The following GNAI3 variants were observed in gnomAD, a reference collection of about 807,000 sequenced individuals.
The protein encoded by GNAI3 is G protein subunit alpha i3.
In GNAI3, 12 loss-of-function variants were observed where a neutral mutation model predicts 41.8. The observed-to-expected ratio is 0.29, with a 90% CI of 0.18 to 0.47. The LOEUF is 0.47. Ranked by LOEUF, GNAI3 falls within the 20% of genes least tolerant of loss-of-function variation. The pLI is 1.00. For missense variants in GNAI3, 360 were observed against 429.6 expected (o/e 0.84, Z 1.43); for synonymous variants, 132 against 146.5 (o/e 0.90, Z 0.71).
intron 1 of GNAI3, among the ~76,000 whole-genome samples, chr1:109,570,953 C>G (rs926369394): frequency 6.6e-6 from 1 of 152,178 alleles, no homozygotes; most frequent in African/African-American, 2.4e-5. Flanking sequence ...TTGCAGTGAT[C>G]TAGGCCTATG....
At chr1:109,567,104 A>AG (rs1354356985) in intron 1 of GNAI3, among the ~76,000 whole-genome samples, 1 of 152,122 alleles carries the variant, frequency 6.6e-6, no homozygotes, top group Non-Finnish European at 1.5e-5. Context: ...GCCATGAGGG[A>AG]GGGGCTGTCT....
intron 4 of GNAI3, among the ~76,000 whole-genome samples, chr1:109,580,947 T>C (rs1648875198): frequency 6.6e-6 from 1 of 152,206 alleles, no homozygotes; most frequent in Non-Finnish European, 1.5e-5. Flanking sequence ...AACATCTTAG[T>C]TGCAAGTATT....
intron 3 of GNAI3, among the ~76,000 whole-genome samples, chr1:109,574,259 G>A (rs889162764): frequency 5.9e-5 from 9 of 151,784 alleles, no homozygotes; most frequent in East Asian, 1.9e-4. Context: ...GTGGGTGCAC[G>A]GTAGGTTTCT....
intron 3 of GNAI3, 138 bp downstream of exon 3, chr1:109,574,175 G>A: frequency 3.3e-6 from 2 of 603,420 alleles, no homozygotes; most frequent in Non-Finnish European, 2.8e-6. Flanking sequence ...GTGCTCACTT[G>A]AGAAATGTTA....
intron 6 of GNAI3, 144 bp from the exon 7 acceptor site, chr1:109,586,585 G>C: frequency 1.4e-6 from 1 of 692,258 alleles, no homozygotes; most frequent in South Asian, 1.9e-5. Flanking sequence ...AATGAGGACT[G>C]ACACTCAACT....
rs577547505 is a variant in GNAI3 at position 109,599,237 on chromosome 1, T to A, written c.*6915T>A. The A allele has an allele frequency of 9.9e-6, 2 of 202,692 alleles. No homozygotes were observed. Among genetic ancestry groups the A allele is most frequent in the South Asian group, 1.3e-4 (2 of 15,686 alleles). The allele number at this position is 202,692 out of a possible 1,614,324, so 12.6% of individuals were successfully genotyped here. The stretch of plus-strand genomic sequence containing the variant: ...AGTATATTTTTTCTATTTTTAAAAT[T>A]GTGATAAAGCATATATAACAAAATT... On this transcript the variant is annotated 3_prime_UTR_variant, in exon 9 of 9. Coordinates refer to ENST00000369851, the MANE Select transcript of GNAI3 (RefSeq NM_006496.4).
Position 109,560,467 on chromosome 1 carries a change from A to G in GNAI3, c.118+11629A>G, listed in dbSNP as rs551652886. Among the ~76,000 whole-genome samples, 139 of 152,248 alleles carry G rather than the reference A, an allele frequency of 9.1e-4. 1 individual carries two copies. The highest frequency in any genetic ancestry group is 3.0e-3 in the African/African-American group (124 of 41,550). On this transcript the variant is annotated intron_variant, in intron 1 of 8. Transcript: ENST00000369851. Reference sequence around the variant, plus strand: ...GCCGTGATCAAAACATGCACTCTATATATTTTAATTGTACTGGCTGGGCAA... The same window carrying G: ...GCCGTGATCAAAACATGCACTCTATGTATTTTAATTGTACTGGCTGGGCAA...
chr1:109,566,266 G>A (rs1010832837), intron 1 of GNAI3, among the ~76,000 whole-genome samples: 1 of 152,082 alleles, frequency 6.6e-6, no homozygotes, highest in Non-Finnish European at 1.5e-5. Context: ...TAGTGGGCTG[G>A]CTGAAAAACT....
At chr1:109,581,616 G>T (rs181795944) in intron 4 of GNAI3, among the ~76,000 whole-genome samples, 3 of 152,042 alleles carry the variant, frequency 2.0e-5, no homozygotes, top group Admixed American at 2.0e-4. Context: ...GTCCGGGCGC[G>T]GTTGCTCACG....
chr1:109,592,308 T>C (rs1649193415), intron 8 of GNAI3, 37 bp from the exon 9 acceptor site: 22 of 961,846 alleles, frequency 2.3e-5, no homozygotes, highest in Non-Finnish European at 3.5e-5. Context: ...TCTTGGTTTT[T>C]AAACTTTTTC....
chr1:109,549,723 A>G (rs1415671632), intron 1 of GNAI3, among the ~76,000 whole-genome samples: 3 of 152,248 alleles, frequency 2.0e-5, no homozygotes, highest in African/African-American at 7.2e-5. Context: ...TGTAAAGACT[A>G]TGGTAGACTT....
intron 1 of GNAI3, among the ~76,000 whole-genome samples, chr1:109,569,193 C>T (rs1333210788): frequency 6.6e-6 from 1 of 152,158 alleles, no homozygotes; most frequent in East Asian, 1.9e-4. Context: ...GATCCTATTG[C>T]CTCCTGTTTC....
At chr1:109,563,853 T>C (rs1214258806) in intron 1 of GNAI3, among the ~76,000 whole-genome samples, 1 of 118,944 alleles carries the variant, frequency 8.4e-6, no homozygotes. Flanking sequence ...CACAGGTTGC[T>C]TCAAAGATAA....
At position 109,592,161 on chromosome 1, in the gene GNAI3, T is replaced by G. The variant is rs767175862; in HGVS notation, c.993T>G (p.Asn331Lys). The change falls in exon 8 of 9, where the codon AAT becomes AAG. Residue 331 changes from asparagine (N) to lysine (K), a missense_variant. By Grantham distance (94) the Asn-to-Lys change is moderately conservative. Coordinates refer to ENST00000369851, the MANE Select transcript of GNAI3 (RefSeq NM_006496.4). ...TCACCTGTGCCACAGACACGAAGAATGTGCAGTTTGTTTTTGATGCTGTTA... is the reference window on the plus strand; with the variant it reads ...TCACCTGTGCCACAGACACGAAGAAGGTGCAGTTTGTTTTTGATGCTGTTA... ...THFTCATDTK[N>K]VQFVFDAVTD... is the part of the protein sequence containing the mutation. 3.1e-6 allele frequency: 5 copies of G among 1,613,346 alleles called. No individual in the cohort carries two copies. Among genetic ancestry groups the G allele is most frequent in the Non-Finnish European group, 4.2e-6 (5 of 1,179,274 alleles).
At chr1:109,550,185 A>T (rs926741364) in intron 1 of GNAI3, among the ~76,000 whole-genome samples, 3 of 152,180 alleles carry the variant, frequency 2.0e-5, no homozygotes, top group Admixed American at 6.5e-5. Context: ...GTAACCCAAG[A>T]CTTATTTTGT....
chr1:109,586,960 CT>C (rs879071376), intron 7 of GNAI3, 78 bp downstream of exon 7: 28,233 of 662,926 alleles, frequency 0.043, no homozygotes, highest in East Asian at 0.053. Context: ...ATAAAACTGC[CT>C]TTTTTTTTTT....
intron 1 of GNAI3, among the ~76,000 whole-genome samples, chr1:109,571,495 A>G (rs955684686): frequency 2.0e-5 from 3 of 152,186 alleles, no homozygotes; most frequent in Non-Finnish European, 4.4e-5. Context: ...AATGGGGGTA[A>G]TAATGTCTAC....
At chr1:109,579,168 A>G (rs1648828354) in intron 3 of GNAI3, 36 bp from the exon 4 acceptor site, 1 of 1,547,128 alleles carries the variant, frequency 6.5e-7, no homozygotes, top group African/African-American at 1.4e-5. Flanking sequence ...AAAGAAATGG[A>G]GAGTCATCTG....
At chr1:109,586,948 T>C in intron 7 of GNAI3, 66 bp downstream of exon 7, 1 of 1,084,406 alleles carries the variant, frequency 9.2e-7, no homozygotes, top group Non-Finnish European at 1.4e-6. Flanking sequence ...TTGGTGGCAT[T>C]CATAAAACTG....
Sources: allele counts gnomAD v4.1 joint callset (sites outside exome capture counted in the v4.1 genomes callset), GRCh38; gene constraint gnomAD v4.1.1; transcripts MANE v1.5; gene names NCBI Gene and HGNC (gene_info 2026-07-23, HGNC 2026-07-21).